The following ATP11A variants were observed in gnomAD, a reference collection of about 807,000 sequenced individuals.
ATP11A encodes phospholipid-transporting ATPase IH.
A neutral mutation model predicts 154.4 loss-of-function variants in ATP11A; 81 were observed. The ratio of observed to expected loss-of-function variants is 0.52; its 90% CI spans 0.44 to 0.63. The LOEUF (loss-of-function observed/expected upper bound fraction) is 0.63. Among genes scored for constraint, ATP11A ranks in the 30% least tolerant of loss-of-function variants. The probability of loss-of-function intolerance (pLI) is 0.00; values close to 1 mark genes in which losing one functional copy is unlikely to be tolerated. For missense variants in ATP11A, 1,316 were observed against 1,474.3 expected (o/e 0.89, Z 1.76); for synonymous variants, 623 against 585.9 (o/e 1.06, Z -0.91).
At chr13:112,847,802 G>T (rs540119511) in intron 17 of ATP11A, among the ~76,000 whole-genome samples, 2 of 152,196 alleles carry the variant, frequency 1.3e-5, no homozygotes, top group Non-Finnish European at 2.9e-5. Context: ...AATGCCACTG[G>T]GGGCCAGGTA....
intron 21 of ATP11A, 85 bp from the exon 22 acceptor site, chr13:112,858,060 G>T: frequency 6.3e-7 from 1 of 1,579,176 alleles, no homozygotes; most frequent in South Asian, 1.1e-5. Context: ...TCATGATGAT[G>T]GTTTCATCCG....
chr13:112,798,712 T>C (rs768471729), intron 2 of ATP11A, among the ~76,000 whole-genome samples: 5 of 152,092 alleles, frequency 3.3e-5, no homozygotes, highest in Non-Finnish European at 5.9e-5. Context: ...TCACATCAAA[T>C]GCTTAATTAA....
chr13:112,713,084 T>A (rs951224723), intron 1 of ATP11A, among the ~76,000 whole-genome samples: 2 of 152,246 alleles, frequency 1.3e-5, no homozygotes, highest in Non-Finnish European at 2.9e-5. Flanking sequence ...CCATCCATTT[T>A]AGCATTCTCA....
intron 1 of ATP11A, among the ~76,000 whole-genome samples, chr13:112,775,003 G>C (rs547076422): frequency 6.6e-6 from 1 of 152,252 alleles, no homozygotes. Flanking sequence ...CCACTTCATC[G>C]GGGTAGGCGG....
intron 6 of ATP11A, among the ~76,000 whole-genome samples, chr13:112,818,429 AT>A (rs2140193022): frequency 6.6e-6 from 1 of 152,326 alleles, no homozygotes; most frequent in Non-Finnish European, 1.5e-5. Context: ...TGATGCAGTG[AT>A]TGTTTCTCCC....
chr13:112,881,421 T>G, intron 29 of ATP11A: 1 of 1,040,580 alleles, frequency 9.6e-7, no homozygotes, highest in Non-Finnish European at 1.2e-6. Context: ...GAGTTCGCCT[T>G]TTGTTCAAGG....
intron 17 of ATP11A, among the ~76,000 whole-genome samples, chr13:112,842,815 T>A (rs79542776): frequency 0.04 from 6,135 of 152,344 alleles, 208 homozygotes; most frequent in African/African-American, 0.088. Context: ...TTTCCCCATC[T>A]GGGTCTTAAG....
At position 112,746,942 on chromosome 13, in the gene ATP11A, T is replaced by C. The variant is rs1892233141; in HGVS notation, c.40-38193T>C. On this transcript the variant is annotated intron_variant, in intron 1 of 29. Transcript: ENST00000375645. This position sits in a 1 kb window ranked among gnomAD's most constrained non-coding sequence, Gnocchi z 4.1. The stretch of plus-strand genomic sequence containing the variant: ...GTCTATTGAGGTTCTTTGCCTATTT[T>C]AAAATCGGGTAATTGATTTTTTTCT... 1.3e-5 allele frequency: 2 copies of C among 151,962 alleles called. No individual in the cohort carries two copies. The highest frequency in any genetic ancestry group is 4.8e-5 in the African/African-American group (2 of 41,284). The allele number at this position is 151,962 out of a possible 1,614,324, so 9.4% of individuals were successfully genotyped here. A position where few individuals can be genotyped will look rare whatever the true frequency, so the allele number is the denominator to read the frequency against.
At chr13:112,772,244 A>G (rs2077243271) in intron 1 of ATP11A, among the ~76,000 whole-genome samples, 1 of 152,232 alleles carries the variant, frequency 6.6e-6, no homozygotes, top group Admixed American at 6.5e-5. Context: ...AACTTTAAAA[A>G]TGTTGCTGAC....
chr13:112,741,577 C>CAGGCCATAGCCTCACTGTGGG (rs1891549838), intron 1 of ATP11A, among the ~76,000 whole-genome samples: 1 of 152,198 alleles, frequency 6.6e-6, no homozygotes, highest in African/African-American at 2.4e-5. Flanking sequence ...CCAACTGGGG[C>CAGGCCATAGCCTCACTGTGGG]AGGCCATAGC....
At position 112,789,594 on chromosome 13, in the gene ATP11A, G is replaced by A. The variant is rs539929650; in HGVS notation, c.162+4337G>A. ...TTAATTCACACCGGTGTCCTGACGC[G>A]TAGACCCCTGTGGAGACCTACTTAA... On this transcript the variant is annotated intron_variant, in intron 2 of 29. Coordinates refer to ENST00000375645, the MANE Select transcript of ATP11A (RefSeq NM_015205.3). Among the ~76,000 whole-genome samples the A allele has an allele frequency of 1.1e-4, 16 of 146,564 alleles. No homozygotes were observed. In the South Asian group the frequency reaches 1.5e-3, roughly 14 times the overall value.
intron 1 of ATP11A, among the ~76,000 whole-genome samples, chr13:112,732,024 G>A (rs34809726): frequency 0.091 from 13,883 of 151,952 alleles, 685 homozygotes; most frequent in Middle Eastern, 0.12. Flanking sequence ...GGCCCGCAGC[G>A]GCATCCTGTG....
At chr13:112,829,034 T>C (rs1044485590) in intron 12 of ATP11A, among the ~76,000 whole-genome samples, 2 of 152,266 alleles carry the variant, frequency 1.3e-5, no homozygotes, top group Non-Finnish European at 2.9e-5. Context: ...GCACCTTCTC[T>C]GTATCCTGTG....
intron 2 of ATP11A, among the ~76,000 whole-genome samples, chr13:112,796,887 C>A (rs192114605): frequency 3.9e-4 from 59 of 152,154 alleles, no homozygotes; most frequent in Middle Eastern, 3.4e-3. Flanking sequence ...GACCTTGAGA[C>A]ATGTCCATAG....
rs112239627 is a variant in ATP11A at position 112,841,520 on chromosome 13, G to C, written c.1706-756G>C. On this transcript the variant is annotated intron_variant, in intron 16 of 29. Transcript: ENST00000375645. ...GCCTGGCAGAGTGCCACGTGGCTTG[G>C]TGGACCAGGGATACTTCAGGTGCAG... Among the ~76,000 whole-genome samples the C allele has an allele frequency of 9.2e-3, 1,364 of 148,714 alleles. 22 individuals carry two copies. The highest frequency in any genetic ancestry group is 0.031 in the African/African-American group (1,246 of 39,934).
chr13:112,853,974 C>T (rs1052876175), intron 18 of ATP11A, among the ~76,000 whole-genome samples: 2 of 152,154 alleles, frequency 1.3e-5, no homozygotes, highest in Non-Finnish European at 2.9e-5. Flanking sequence ...TAGTGAGTCC[C>T]ACCTACACAC....
intron 1 of ATP11A, among the ~76,000 whole-genome samples, chr13:112,740,152 A>C (rs76481364): frequency 0.49 from 62,961 of 127,608 alleles, 13,816 homozygotes; most frequent in South Asian, 0.59. Context: ...CTCTCTCTAT[A>C]TATATATATA....
At chr13:112,744,199 G>A (rs1891860647) in intron 1 of ATP11A, among the ~76,000 whole-genome samples, 1 of 152,220 alleles carries the variant, frequency 6.6e-6, no homozygotes, top group Admixed American at 6.5e-5. Context: ...GGGACGGTCT[G>A]GGAGGGTGTG....
intron 29 of ATP11A, chr13:112,881,424 GTTCA>G: frequency 9.5e-7 from 1 of 1,051,632 alleles, no homozygotes; most frequent in Non-Finnish European, 1.1e-6. Flanking sequence ...TTCGCCTTTT[GTTCA>G]AGGGTCTCTG....
Sources: allele counts gnomAD v4.1 joint callset (sites outside exome capture counted in the v4.1 genomes callset), GRCh38; gene constraint gnomAD v4.1.1; non-coding constraint Gnocchi (gnomAD v3.1); transcripts MANE v1.5; gene names NCBI Gene and HGNC (gene_info 2026-07-23, HGNC 2026-07-21).